HDAC9: variants seen among roughly 807,000 people sequenced by gnomAD.
The protein encoded by HDAC9 is histone deacetylase 9.
Under a neutral mutation model 139.4 loss-of-function variants are expected in HDAC9, and 41 were observed. The observed-to-expected ratio is 0.29, with a 90% CI of 0.23 to 0.38. The LOEUF (loss-of-function observed/expected upper bound fraction) is 0.38, where lower values mean the gene tolerates loss of function less well. Ranked by LOEUF, HDAC9 falls within the 10% of genes least tolerant of loss-of-function variation. HDAC9 has a pLI of 1.00. For synonymous variants in HDAC9, 517 were observed against 476.2 expected (o/e 1.09, Z -1.12); for missense variants, 1,147 against 1,297.0 (o/e 0.88, Z 1.78).
At chr7:18,235,577 G>A (rs193246644) in intron 2 of HDAC9, among the ~76,000 whole-genome samples, 44 of 152,208 alleles carry the variant, frequency 2.9e-4, no homozygotes, top group African/African-American at 9.2e-4. Flanking sequence ...ATGTATCCAG[G>A]TTTTATAAAC....
intron 2 of HDAC9, among the ~76,000 whole-genome samples, chr7:18,258,888 A>G (rs1056424303): frequency 6.6e-6 from 1 of 150,588 alleles, no homozygotes; most frequent in Non-Finnish European, 1.5e-5. Context: ...TAGTTAATAT[A>G]AACTGAGGTG....
chr7:18,431,306 G>T (rs1790638122), intron 1 of HDAC9, among the ~76,000 whole-genome samples: 2 of 152,114 alleles, frequency 1.3e-5, no homozygotes, highest in African/African-American at 2.4e-5. Context: ...TTCTATCAGG[G>T]CCTGAAAATA....
At chr7:18,569,524 A>G (rs1237227376) in intron 2 of HDAC9, among the ~76,000 whole-genome samples, 1 of 152,202 alleles carries the variant, frequency 6.6e-6, no homozygotes, top group East Asian at 1.9e-4. Context: ...CTGATATCTC[A>G]GAGCTGTGCT....
At chr7:18,827,199 T>C (rs1242708638) in intron 17 of HDAC9, among the ~76,000 whole-genome samples, 1 of 152,022 alleles carries the variant, frequency 6.6e-6, no homozygotes, top group East Asian at 1.9e-4. Context: ...ACTTCAAAAA[T>C]TTACATGATA....
chr7:18,945,561 T>C (rs1421328826), intron 23 of HDAC9, among the ~76,000 whole-genome samples: 1 of 152,328 alleles, frequency 6.6e-6, no homozygotes, highest in East Asian at 1.9e-4. Flanking sequence ...CTTTCTGGAT[T>C]CCCAAAGTCA....
intron 1 of HDAC9, chr7:18,458,940 G>T: frequency 7.1e-7 from 1 of 1,408,646 alleles, no homozygotes; most frequent in Non-Finnish European, 9.7e-7. Context: ...GGTTTCTTGG[G>T]AGTAGAGCTG....
chr7:18,164,465 A>C (rs1483141276), intron 2 of HDAC9, among the ~76,000 whole-genome samples: 1 of 152,172 alleles, frequency 6.6e-6, no homozygotes, highest in Non-Finnish European at 1.5e-5. Context: ...ATCATCATCC[A>C]TTTATTTTGC....
intron 14 of HDAC9, among the ~76,000 whole-genome samples, chr7:18,760,379 C>G (rs958501048): frequency 2.6e-5 from 4 of 152,126 alleles, no homozygotes; most frequent in Non-Finnish European, 5.9e-5. Context: ...TTTGGTTGTT[C>G]TGGTCTCCCA....
chr7:18,747,267 G>C (rs975787049), intron 13 of HDAC9, among the ~76,000 whole-genome samples: 1 of 152,212 alleles, frequency 6.6e-6, no homozygotes, highest in African/African-American at 2.4e-5. Context: ...GGCGACTGTT[G>C]TGTGGCAAAT....
intron 2 of HDAC9, among the ~76,000 whole-genome samples, chr7:18,583,522 C>T (rs956014610): frequency 1.3e-5 from 2 of 151,594 alleles, no homozygotes; most frequent in African/African-American, 4.8e-5. Context: ...AATTCAAGAC[C>T]AGCCTTCGCG....
At chr7:18,881,505 T>C (rs1799735658) in intron 22 of HDAC9, among the ~76,000 whole-genome samples, 2 of 152,022 alleles carry the variant, frequency 1.3e-5, no homozygotes, top group Non-Finnish European at 2.9e-5. Flanking sequence ...ACTAGGTGTG[T>C]TTTGGTGAAG....
At chr7:18,585,565 C>T (rs202218700) in intron 3 of HDAC9, 43 bp downstream of exon 3, 38 of 1,602,720 alleles carry the variant, frequency 2.4e-5, no homozygotes, top group Non-Finnish European at 3.0e-5. Flanking sequence ...CAGGAGTCTG[C>T]ACCGTGGTGG....
intron 1 of HDAC9, among the ~76,000 whole-genome samples, chr7:18,487,977 T>G (rs531061391): frequency 7.9e-5 from 12 of 152,174 alleles, no homozygotes; most frequent in Non-Finnish European, 1.5e-4. Flanking sequence ...ATTTTTGGTG[T>G]TCAGAATTTC....
intron 1 of HDAC9, among the ~76,000 whole-genome samples, chr7:18,362,866 A>C (rs1427725785): frequency 1.3e-5 from 2 of 152,144 alleles, no homozygotes; most frequent in African/African-American, 4.8e-5. Flanking sequence ...AGAAATATGC[A>C]CTGTTATATC....
intron 22 of HDAC9, among the ~76,000 whole-genome samples, chr7:18,924,848 G>A (rs1308990485): frequency 6.6e-6 from 1 of 152,050 alleles, no homozygotes; most frequent in Non-Finnish European, 1.5e-5. Context: ...GATGATTATG[G>A]CAAATCAGTG....
At chr7:18,541,823 A>G (rs1813066224) in intron 2 of HDAC9, among the ~76,000 whole-genome samples, 1 of 152,230 alleles carries the variant, frequency 6.6e-6, no homozygotes, top group Non-Finnish European at 1.5e-5. Context: ...ACATATGTTC[A>G]TAGTGATTCA....
At chr7:18,377,430 C>G (rs1785079800) in intron 1 of HDAC9, among the ~76,000 whole-genome samples, 1 of 152,130 alleles carries the variant, frequency 6.6e-6, no homozygotes, top group Admixed American at 6.5e-5. Flanking sequence ...CAATATTTTT[C>G]TAGTCAGTAG....
At chr7:18,738,824 A>G (rs1334331182) in intron 13 of HDAC9, among the ~76,000 whole-genome samples, 2 of 152,076 alleles carry the variant, frequency 1.3e-5, no homozygotes, top group Non-Finnish European at 2.9e-5. Flanking sequence ...GAGGTTGGGG[A>G]TGTTCTCCTG....
intron 22 of HDAC9, among the ~76,000 whole-genome samples, chr7:18,910,653 T>C (rs1370259239): frequency 6.6e-6 from 1 of 151,934 alleles, no homozygotes. Flanking sequence ...GCATTCAGTA[T>C]AGTATTCATC....
Sources: allele counts gnomAD v4.1 joint callset (sites outside exome capture counted in the v4.1 genomes callset), GRCh38; gene constraint gnomAD v4.1.1; transcripts MANE v1.5; gene names NCBI Gene and HGNC (gene_info 2026-07-23, HGNC 2026-07-21).